DENND2C: variants seen among roughly 807,000 people sequenced by gnomAD.
DENND2C encodes the protein DENN domain containing 2C.
A neutral mutation model predicts 112.4 loss-of-function variants in DENND2C; 72 were observed. That is an observed-to-expected ratio of 0.64 (90% CI 0.53 to 0.78). The LOEUF (loss-of-function observed/expected upper bound fraction) is 0.78, where lower values mean the gene tolerates loss of function less well. DENND2C is among the 30% of genes least tolerant of loss of function. The pLI, the probability that DENND2C is intolerant of heterozygous loss-of-function variation, is 0.00. For synonymous variants in DENND2C, 329 were observed against 381.6 expected (o/e 0.86, Z 1.61); for missense variants, 992 against 1,113.8 (o/e 0.89, Z 1.56).
intron 20 of DENND2C, chr1:114,587,172 G>A (rs879138061): frequency 1.8e-6 from 1 of 549,620 alleles, no homozygotes; most frequent in South Asian, 2.1e-5. Context: ...AAAGTGCTGG[G>A]ATTACAGGCA....
chr1:114,665,348 C>G (rs1038373121), intron 1 of DENND2C, among the ~76,000 whole-genome samples: 2 of 151,594 alleles, frequency 1.3e-5, no homozygotes, highest in Admixed American at 6.6e-5. Flanking sequence ...CATAATAAAG[C>G]CAGAAGATCT....
chr1:114,658,396 AC>A (rs1657389937), intron 1 of DENND2C, among the ~76,000 whole-genome samples: 1 of 152,178 alleles, frequency 6.6e-6, no homozygotes, highest in South Asian at 2.1e-4. Context: ...AAAGATGCAA[AC>A]CAGTGTCATA....
intron 2 of DENND2C, among the ~76,000 whole-genome samples, chr1:114,649,893 T>C (rs1657105743): frequency 6.6e-6 from 1 of 152,348 alleles, no homozygotes; most frequent in Non-Finnish European, 1.5e-5. Context: ...AAAATACCCG[T>C]AAGTCTACTA....
intron 1 of DENND2C, among the ~76,000 whole-genome samples, chr1:114,660,550 T>C (rs1657464171): frequency 6.6e-6 from 1 of 152,034 alleles, no homozygotes; most frequent in Admixed American, 6.6e-5. Context: ...ATTCCCTCCC[T>C]CCCCTTGAGT....
chr1:114,652,351 G>A (rs1479380226), intron 2 of DENND2C, among the ~76,000 whole-genome samples: 2 of 152,098 alleles, frequency 1.3e-5, no homozygotes, highest in African/African-American at 4.8e-5. Context: ...CCTCACACAT[G>A]CACTGCAATA....
At chr1:114,646,744 A>T (rs1656998613) in intron 2 of DENND2C, among the ~76,000 whole-genome samples, 2 of 152,232 alleles carry the variant, frequency 1.3e-5, no homozygotes, top group Admixed American at 1.3e-4. Flanking sequence ...TAGCATTTCT[A>T]ATGCTTTTTT....
chr1:114,640,889 C>T (rs1213204266), intron 3 of DENND2C, among the ~76,000 whole-genome samples: 1 of 151,970 alleles, frequency 6.6e-6, no homozygotes, highest in Non-Finnish European at 1.5e-5. Flanking sequence ...TAACAAACAG[C>T]CTTTGATTTT....
At chr1:114,651,005 A>G (rs1243136382) in intron 2 of DENND2C, among the ~76,000 whole-genome samples, 4 of 152,044 alleles carry the variant, frequency 2.6e-5, no homozygotes, top group Non-Finnish European at 5.9e-5. Context: ...GCTACTTGGG[A>G]GGCTGAGGCA....
intron 7 of DENND2C, 24 bp from the exon 8 acceptor site, chr1:114,618,506 A>C (rs1656065070): frequency 6.9e-7 from 1 of 1,451,488 alleles, no homozygotes. Flanking sequence ...AGAAAAATAC[A>C]AATTAAGACC....
chr1:114,621,259 C>T (rs1010407976), intron 7 of DENND2C, among the ~76,000 whole-genome samples: 1 of 151,804 alleles, frequency 6.6e-6, no homozygotes, highest in African/African-American at 2.4e-5. Flanking sequence ...TCTGTCTCTA[C>T]AAAATAAGTA....
rs775225611 is a variant in DENND2C at position 114,611,089 on chromosome 1, G to A, written c.1353C>T (p.Ala451=). 5 of 1,613,966 alleles carry A rather than the reference G, an allele frequency of 3.1e-6. No individual in the cohort carries two copies. Among genetic ancestry groups the A allele is most frequent in the African/African-American group, 2.7e-5 (2 of 74,898 alleles). ...CTCACTCACTCTTTGGCAGATACTC[G>A]GCATCACTTTCGTTCCCACTGGTTT... ...KGETSGNESD[A]EYLPKNRHKR... Residue 451 remains alanine, a synonymous_variant, in exon 9 of 21, where the codon GCC becomes GCT. Coordinates refer to ENST00000393274, the MANE Select transcript of DENND2C (RefSeq NM_001256404.2).
Position 114,626,079 on chromosome 1 carries a change from A to G in DENND2C, c.-95T>C, listed in dbSNP as rs1656334695. Reference sequence around the variant, plus strand: ...GTATTCTTTATCCTGTCAGAATCCAAATGATTCCAGTATTTTCCCTTCATG... The same window carrying G: ...GTATTCTTTATCCTGTCAGAATCCAGATGATTCCAGTATTTTCCCTTCATG... On this transcript the variant is annotated 5_prime_UTR_variant, in exon 4 of 21. Transcript: ENST00000393274. 3 of 1,264,174 alleles carry G rather than the reference A, an allele frequency of 2.4e-6. No homozygotes were observed. Among genetic ancestry groups the G allele is most frequent in the Admixed American group, 2.4e-5 (1 of 40,998 alleles). 78.3% of individuals were successfully genotyped at this position (1,264,174 alleles called of 1,614,324 possible).
intron 3 of DENND2C, among the ~76,000 whole-genome samples, chr1:114,633,021 TGACTA>T (rs1256361502): frequency 2.7e-5 from 4 of 148,946 alleles, no homozygotes; most frequent in Non-Finnish European, 6.1e-5. Flanking sequence ...GAAGATGACT[TGACTA>T]AAGTAAACAT....
chr1:114,638,942 A>G (rs1302576209), intron 3 of DENND2C, among the ~76,000 whole-genome samples: 5 of 151,880 alleles, frequency 3.3e-5, no homozygotes, highest in Non-Finnish European at 7.4e-5. Context: ...TGCCATACAT[A>G]TATCTGATGA....
chr1:114,663,028 AATAG>A (rs1398641540), intron 1 of DENND2C, among the ~76,000 whole-genome samples: 2 of 152,168 alleles, frequency 1.3e-5, no homozygotes, highest in Non-Finnish European at 2.9e-5. Flanking sequence ...AAATACCTGG[AATAG>A]ATAGATGTGA....
intron 4 of DENND2C, 93 bp downstream of exon 4, chr1:114,625,085 TG>T: frequency 1.6e-6 from 2 of 1,290,214 alleles, no homozygotes; most frequent in Non-Finnish European, 2.1e-6. Context: ...TCACCTAAGC[TG>T]GGAAATGGAA....
chr1:114,626,718 C>T lies in DENND2C; in HGVS notation c.-204-530G>A, dbSNP rs116733431. On this transcript the variant is annotated intron_variant, in intron 3 of 20. Coordinates refer to ENST00000393274, the MANE Select transcript of DENND2C (RefSeq NM_001256404.2). ...GTAGAGACGGAGTTTCTCCATGTTG[C>T]CCAGGCTGGTCTTGAACTTCCTGAG... 2.3e-3 allele frequency among the ~76,000 whole-genome samples: 350 copies of T among 151,836 alleles called. 1 individual carries two copies. The highest frequency in any genetic ancestry group is 2.5e-3 in the Non-Finnish European group (168 of 67,908).
chr1:114,622,843 A>C, intron 6 of DENND2C, 144 bp downstream of exon 6: 1 of 548,010 alleles, frequency 1.8e-6, no homozygotes, highest in Non-Finnish European at 2.9e-6. Flanking sequence ...AAAAAACAAA[A>C]CAAAAATTAA....
intron 4 of DENND2C, 48 bp downstream of exon 4, chr1:114,625,131 C>T: frequency 1.3e-6 from 2 of 1,511,498 alleles, no homozygotes; most frequent in Non-Finnish European, 1.8e-6. Context: ...CTCAATAATC[C>T]TGTAAGGAAA....
Sources: allele counts gnomAD v4.1 joint callset (sites outside exome capture counted in the v4.1 genomes callset), GRCh38; gene constraint gnomAD v4.1.1; transcripts MANE v1.5; gene names NCBI Gene and HGNC (gene_info 2026-07-23, HGNC 2026-07-21).